The following TOMM22 variants were observed in gnomAD, a reference collection of about 807,000 sequenced individuals.
The protein encoded by TOMM22 is translocase of outer mitochondrial membrane 22, also known as mitochondrial import receptor subunit TOM22 homolog.
A neutral mutation model predicts 17.1 loss-of-function variants in TOMM22; 3 were observed. The ratio of observed to expected loss-of-function variants is 0.18; its 90% CI spans 0.08 to 0.45. The LOEUF is 0.45. Ranked by LOEUF, TOMM22 falls within the 20% of genes least tolerant of loss-of-function variation. The probability of loss-of-function intolerance (pLI) is 0.99; values close to 1 mark genes in which losing one functional copy is unlikely to be tolerated. For synonymous variants in TOMM22, 91 were observed against 74.0 expected (o/e 1.23, Z -1.18); for missense variants, 159 against 179.5 (o/e 0.89, Z 0.65).
Position 38,683,006 on chromosome 22 carries a change from G to C in TOMM22, c.354+10G>C. 1.2e-6 allele frequency: 2 copies of C among 1,611,722 alleles called. No individual in the cohort carries two copies. Among genetic ancestry groups the C allele is most frequent in the Non-Finnish European group, 1.7e-6 (2 of 1,178,134 alleles). ...ACTGCAGCAGCGGCAGGTGAGCCCA[G>C]ACCTTGGGCTTTTTGCCAGTGGTGG... On this transcript the variant is annotated intron_variant, in intron 3 of 3. Coordinates refer to ENST00000216034, the MANE Select transcript of TOMM22 (RefSeq NM_020243.5).
In TOMM22 at chr22:38,682,450, C is replaced by T. The variant is rs768859216; in HGVS notation, c.236+9C>T. 1.9e-6 allele frequency: 3 copies of T among 1,612,578 alleles called. No individual in the cohort carries two copies. Among genetic ancestry groups the T allele is most frequent in the East Asian group, 2.2e-5 (1 of 44,878 alleles). On this transcript the variant is annotated intron_variant, in intron 2 of 3. Coordinates refer to ENST00000216034, the MANE Select transcript of TOMM22 (RefSeq NM_020243.5). ...GCTCAGAAAATGTACAGGTAAGGAA[C>T]GAGGGCAAAGGCACTGGGTACGTGC...
Position 38,684,167 on chromosome 22 carries a change from G to T in TOMM22, c.*326G>T. ...CCTTGTGGGGTAGGAACCGATGCCA[G>T]TGGGAGGGATGTGCCCCTGACCATT... On this transcript the variant is annotated 3_prime_UTR_variant, in exon 4 of 4. Transcript: ENST00000216034. 2 of 302,810 alleles carry T rather than the reference G, an allele frequency of 6.6e-6. No homozygotes were observed. The highest frequency in any genetic ancestry group is 1.2e-5 in the Non-Finnish European group (2 of 161,674). 18.8% of individuals were successfully genotyped at this position (302,810 alleles called of 1,614,324 possible).
At chr22:38,682,480 G>A in intron 2 of TOMM22, 39 bp downstream of exon 2, 1 of 1,571,072 alleles carries the variant, frequency 6.4e-7, no homozygotes, top group East Asian at 2.2e-5. Flanking sequence ...ACGTGCATGG[G>A]ATGGTCGTGG....
intron 3 of TOMM22, among the ~76,000 whole-genome samples, 154 bp downstream of exon 3, chr22:38,683,150 G>GGGGGC (rs60970723): frequency 6.6e-5 from 9 of 136,918 alleles, no homozygotes; most frequent in Admixed American, 7.4e-5. Context: ...GTCGGGGGGG[G>GGGGGC]GGTTCTGGAT....
Position 38,683,916 on chromosome 22 carries a change from T to G in TOMM22, c.*75T>G, listed in dbSNP as rs1032396598. 847 of 218,116 alleles carry G rather than the reference T, an allele frequency of 3.9e-3. No homozygotes were observed. The highest frequency in any genetic ancestry group is 5.0e-3 in the Non-Finnish European group (653 of 130,270). 13.5% of individuals were successfully genotyped at this position (218,116 alleles called of 1,614,324 possible). ...GTGTTTGAACTGCTGATAATTTGGATTTTTTTTTTTTTTTAACTTTGGCAC... is the reference window on the plus strand; with the variant it reads ...GTGTTTGAACTGCTGATAATTTGGAGTTTTTTTTTTTTTTAACTTTGGCAC... On this transcript the variant is annotated 3_prime_UTR_variant, in exon 4 of 4. Coordinates refer to ENST00000216034, the MANE Select transcript of TOMM22 (RefSeq NM_020243.5).
intron 3 of TOMM22, 131 bp from the exon 4 acceptor site, chr22:38,683,636 G>A (rs750207059): frequency 5.1e-5 from 33 of 646,726 alleles, no homozygotes; most frequent in South Asian, 2.6e-4. Context: ...GATTGGGATC[G>A]GGCCCATGCT....
Position 38,681,965 on chromosome 22 carries a change from T to G in TOMM22, c.-14T>G. On this transcript the variant is annotated 5_prime_UTR_variant, in exon 1 of 4. Coordinates refer to ENST00000216034, the MANE Select transcript of TOMM22 (RefSeq NM_020243.5). ...GCGCTCACCTCCTTTCCGCTTCCGG[T>G]GTCCCCTACAGTCATGGCTGCCGCC... The G allele has an allele frequency of 6.2e-7, 1 of 1,600,184 alleles. No homozygotes were observed. The highest frequency in any genetic ancestry group is 8.6e-7 in the Non-Finnish European group (1 of 1,169,562).
At chr22:38,683,216 T>C (rs2092485399) in intron 3 of TOMM22, among the ~76,000 whole-genome samples, 2 of 151,962 alleles carry the variant, frequency 1.3e-5, no homozygotes, top group Non-Finnish European at 2.9e-5. Context: ...CATTGTAATA[T>C]ATAATGAAAT....
intron 2 of TOMM22, 75 bp from the exon 3 acceptor site, chr22:38,682,804 T>C: frequency 1.6e-6 from 2 of 1,247,966 alleles, no homozygotes; most frequent in Non-Finnish European, 2.3e-6. Flanking sequence ...ATGTGAGAGG[T>C]TTGGTTACTG....
In TOMM22 at chr22:38,682,933, T is replaced by C. The variant is rs771359225; in HGVS notation, c.291T>C (p.Leu97=). Residue 97 remains leucine, a synonymous_variant, in exon 3 of 4, where the codon CTT becomes CTC. Transcript: ENST00000216034. ...IGTTSFMILV[L]PVVFETEKLQ... ...CCACTTCCTTTATGATCCTGGTTCT[T>C]CCCGTTGTCTTTGAGACGGAGAAGT... is the stretch of plus-strand genomic sequence containing the variant. 1.2e-6 allele frequency: 2 copies of C among 1,613,814 alleles called. No homozygotes were observed. Among genetic ancestry groups the C allele is most frequent in the Non-Finnish European group, 1.7e-6 (2 of 1,179,878 alleles).
rs145999812 is a variant in TOMM22, at chr22:38,683,815, C to T, written c.403C>T (p.Leu135=). The part of the protein sequence containing the change: ...TGLSGGMPGA[L]PSLPGKI ...GCTCTCAGGAGGAATGCCAGGGGCT[C>T]TACCCTCACTTCCTGGAAAGATCTA... Residue 135 remains leucine (L), a synonymous_variant, in exon 4 of 4, where the codon CTA becomes TTA. Coordinates refer to ENST00000216034, the MANE Select transcript of TOMM22 (RefSeq NM_020243.5). 226 of 1,613,896 alleles carry T rather than the reference C, an allele frequency of 1.4e-4. No individual in the cohort carries two copies. The highest frequency in any genetic ancestry group is 1.8e-4 in the Non-Finnish European group (213 of 1,179,970).
rs994449382 is a variant in TOMM22 at position 38,684,079 on chromosome 22, T to C, written c.*238T>C. On this transcript the variant is annotated 3_prime_UTR_variant, in exon 4 of 4. Coordinates refer to ENST00000216034, the MANE Select transcript of TOMM22 (RefSeq NM_020243.5). The stretch of plus-strand genomic sequence containing the variant: ...CAGAGTGCAGCCATGCAGATGGTTA[T>C]TCCAGCTCTGGTCACCCGACTCCTT... 4 of 474,296 alleles carry C rather than the reference T, an allele frequency of 8.4e-6. No individual in the cohort carries two copies. Among genetic ancestry groups the C allele is most frequent in the Non-Finnish European group, 1.1e-5 (3 of 260,970 alleles). 29.4% of individuals were successfully genotyped at this position (474,296 alleles called of 1,614,324 possible).
At position 38,684,803 on chromosome 22, in the gene TOMM22, A is replaced by AT. The variant is rs747279184; in HGVS notation, c.*981dup. On this transcript the variant is annotated 3_prime_UTR_variant, in exon 4 of 4. Transcript: ENST00000216034. ...CTGGGGAATAGGGGAGGGGGACAGA[A>AT]TTTTTTTTTTTTTTTTTTTGCCTGA... is the stretch of plus-strand genomic sequence containing the variant. The AT allele has an allele frequency of 0.018, 2,382 of 134,512 alleles. 44 individuals carry two copies. The highest frequency in any genetic ancestry group is 0.045 in the African/African-American group (1,655 of 36,418). The allele number at this position is 134,512 out of a possible 1,614,324, so 8.3% of individuals were successfully genotyped here.
At chr22:38,682,599 C>T (rs2092482391) in intron 2 of TOMM22, among the ~76,000 whole-genome samples, 158 bp downstream of exon 2, 1 of 151,814 alleles carries the variant, frequency 6.6e-6, no homozygotes, top group Admixed American at 6.6e-5. Flanking sequence ...GGATTCTTAC[C>T]TGGCAGGGGA....
chr22:38,684,143 C>A lies in TOMM22; in HGVS notation c.*302C>A. The A allele has an allele frequency of 2.7e-6, 1 of 366,242 alleles. No homozygotes were observed. Among genetic ancestry groups the A allele is most frequent in the Non-Finnish European group, 5.0e-6 (1 of 198,422 alleles). 22.7% of individuals were successfully genotyped at this position (366,242 alleles called of 1,614,324 possible). A position where few individuals can be genotyped will look rare whatever the true frequency, so the allele number is the denominator to read the frequency against. On this transcript the variant is annotated 3_prime_UTR_variant, in exon 4 of 4. Transcript: ENST00000216034. Reference sequence around the variant, plus strand: ...CCTAACTGGAAGATCTCACTTTCCCCTTGTGGGGTAGGAACCGATGCCAGT... The same window carrying A: ...CCTAACTGGAAGATCTCACTTTCCCATTGTGGGGTAGGAACCGATGCCAGT...
chr22:38,682,574 T>G, intron 2 of TOMM22, 133 bp downstream of exon 2: 1 of 786,740 alleles, frequency 1.3e-6, no homozygotes, highest in Non-Finnish European at 2.1e-6. Flanking sequence ...CTTAGTTTCC[T>G]CTTCTGTAAA....
chr22:38,682,507 G>A, intron 2 of TOMM22, 66 bp downstream of exon 2: 4 of 1,464,446 alleles, frequency 2.7e-6, no homozygotes, highest in South Asian at 2.3e-5. Flanking sequence ...GAAAGAACAC[G>A]GGGTTTGGAA....
At chr22:38,683,721 T>G (rs775987809) in intron 3 of TOMM22, 46 bp from the exon 4 acceptor site, 1 of 1,477,910 alleles carries the variant, frequency 6.8e-7, no homozygotes, top group East Asian at 2.3e-5. Flanking sequence ...GAGAATAAGC[T>G]CTCTAGGCCT....
At chr22:38,683,143 G>GAGGC in intron 3 of TOMM22, 147 bp downstream of exon 3, 1 of 334,164 alleles carries the variant, frequency 3.0e-6, no homozygotes. Flanking sequence ...GCCGGGGGTC[G>GAGGC]GGGGGGGGGT....
Sources: gnomAD v4.1 joint callset for allele counts (sites outside exome capture counted in the v4.1 genomes callset) on GRCh38, gnomAD v4.1.1 for gene constraint, MANE v1.5 for transcripts, NCBI Gene and HGNC (gene_info 2026-07-23, HGNC 2026-07-21) for gene names.